KLHL8: variants seen among roughly 807,000 people sequenced by gnomAD.
KLHL8 encodes kelch like family member 8.
Under a neutral mutation model 63.5 loss-of-function variants are expected in KLHL8, and 38 were observed. That is an observed-to-expected ratio of 0.60 (90% CI 0.46 to 0.78). The LOEUF is 0.78. KLHL8 is among the 30% of genes least tolerant of loss of function. The pLI is 0.00. For missense variants in KLHL8, 566 were observed against 752.4 expected (o/e 0.75, Z 2.90); for synonymous variants, 224 against 254.3 (o/e 0.88, Z 1.13).
At chr4:87,201,584 T>C (rs1731921259) in intron 1 of KLHL8, among the ~76,000 whole-genome samples, 2 of 152,218 alleles carry the variant, frequency 1.3e-5, no homozygotes, top group South Asian at 2.1e-4. Flanking sequence ...AGAATATACA[T>C]TCTTTTCAAG....
intron 4 of KLHL8, among the ~76,000 whole-genome samples, chr4:87,181,285 A>AG (rs1731042688): frequency 9.9e-6 from 1 of 101,406 alleles, no homozygotes; most frequent in Non-Finnish European, 2.4e-5. Context: ...AAAAAAAAAG[A>AG]AAAAAAAAAA....
chr4:87,207,333 C>G (rs1732171239), intron 1 of KLHL8: 1 of 622,604 alleles, frequency 1.6e-6, no homozygotes, highest in African/African-American at 1.8e-5. Context: ...GAGATCCCTC[C>G]AAAATCAAAT....
At chr4:87,183,121 A>T in intron 4 of KLHL8, 82 bp downstream of exon 4, 1 of 942,020 alleles carries the variant, frequency 1.1e-6, no homozygotes, top group Non-Finnish European at 1.6e-6. Flanking sequence ...TAATTATATT[A>T]CAACTAAGTT....
intron 8 of KLHL8, among the ~76,000 whole-genome samples, chr4:87,164,849 T>C (rs1397830540): frequency 2.0e-5 from 3 of 152,080 alleles, no homozygotes; most frequent in Non-Finnish European, 2.9e-5. Context: ...GATCAATCTA[T>C]ATAAAAACAA....
In KLHL8 at chr4:87,183,378, T is replaced by C. The variant is rs769964736; in HGVS notation, c.777A>G (p.Pro259=). 1.9e-6 allele frequency: 3 copies of C among 1,606,106 alleles called. No homozygotes were observed. The highest frequency in any genetic ancestry group is 1.7e-4 in the Middle Eastern group (1 of 6,058). The change falls in exon 4 of 10, where the codon CCA becomes CCG. Residue 259 remains proline, a synonymous_variant. Transcript: ENST00000273963. ...LDETLAQVRL[P]LLPVDFLMGV... Reference sequence around the variant, plus strand: ...CCATAAGAAAATCAACCGGCAACAATGGCAGGCGAACCTAAGATCATGAAT... The same window carrying C: ...CCATAAGAAAATCAACCGGCAACAACGGCAGGCGAACCTAAGATCATGAAT...
chr4:87,213,025 G>A (rs1732468279), intron 1 of KLHL8, among the ~76,000 whole-genome samples: 1 of 152,144 alleles, frequency 6.6e-6, no homozygotes, highest in South Asian at 2.1e-4. Context: ...AAATACTAAT[G>A]TCATTTCTAG....
intron 1 of KLHL8, among the ~76,000 whole-genome samples, chr4:87,202,637 A>G (rs1400258858): frequency 6.6e-6 from 1 of 152,206 alleles, no homozygotes; most frequent in African/African-American, 2.4e-5. Flanking sequence ...AAACTCACCC[A>G]AAAGACAACC....
chr4:87,195,263 A>C, intron 2 of KLHL8, 61 bp downstream of exon 2: 1 of 1,363,858 alleles, frequency 7.3e-7, no homozygotes, highest in Non-Finnish European at 1.0e-6. Context: ...GGTTACAGAA[A>C]CCCCCATTTC....
chr4:87,161,890 CTT>C lies in KLHL8; in HGVS notation c.*1627_*1628del, dbSNP rs1730189625. ...GGATTTATATCTGCTTCATAAGAGA[CTT>C]TTATCTGCCAGCCTGACCCCTCTTA... On this transcript the variant is annotated 3_prime_UTR_variant, in exon 10 of 10. Coordinates refer to ENST00000273963, the MANE Select transcript of KLHL8 (RefSeq NM_020803.5). The C allele has an allele frequency of 6.6e-6, 1 of 152,146 alleles. No individual in the cohort carries two copies. Among genetic ancestry groups the C allele is most frequent in the South Asian group, 2.1e-4 (1 of 4,828 alleles). The allele number at this position is 152,146 out of a possible 1,614,324, so 9.4% of individuals were successfully genotyped here. A position where few individuals can be genotyped will look rare whatever the true frequency, so the allele number is the denominator to read the frequency against.
intron 2 of KLHL8, among the ~76,000 whole-genome samples, chr4:87,191,674 T>G (rs1451481414): frequency 6.6e-6 from 1 of 152,144 alleles, no homozygotes. Flanking sequence ...TGCTGAGGTT[T>G]GGTGTATAAA....
chr4:87,164,243 CA>C (rs1168688621), intron 8 of KLHL8, among the ~76,000 whole-genome samples, 164 bp from the exon 9 acceptor site: 6 of 152,202 alleles, frequency 3.9e-5, no homozygotes, highest in Non-Finnish European at 7.4e-5. Context: ...CCACCACCAA[CA>C]ACTACCATTA....
intron 1 of KLHL8, among the ~76,000 whole-genome samples, chr4:87,205,250 T>G (rs2110032228): frequency 6.6e-6 from 1 of 152,224 alleles, no homozygotes; most frequent in East Asian, 1.9e-4. Flanking sequence ...CTACAACAGA[T>G]TTTAAAGTTA....
chr4:87,195,494 T>A lies in KLHL8; in HGVS notation c.46A>T (p.Thr16Ser). 6.2e-7 allele frequency: 1 copy of A among 1,613,844 alleles called. No homozygotes were observed. Among genetic ancestry groups the A allele is most frequent in the African/African-American group, 1.3e-5 (1 of 75,054 alleles). The change falls in exon 2 of 10, where the codon ACA (threonine) becomes TCA (serine). Residue 16 changes from threonine to serine, a missense_variant. Physicochemically the swap from Thr to Ser is moderately conservative, Grantham distance 58. Coordinates refer to ENST00000273963, the MANE Select transcript of KLHL8 (RefSeq NM_020803.5). ...MSSKQARNHI[T>S]KGKRQQQHQQ... ...TGCTGTTGTTGCCTTTTCCCCTTTG[T>A]AATGTGATTCCTAGCTTGTTTACTA... is the stretch of plus-strand genomic sequence containing the variant.
intron 6 of KLHL8, among the ~76,000 whole-genome samples, chr4:87,174,079 C>T (rs971232213): frequency 7.2e-5 from 11 of 151,968 alleles, no homozygotes; most frequent in Non-Finnish European, 2.9e-5. Context: ...TTTAATTGCT[C>T]ATTTTGATAA....
chr4:87,163,204 C>A lies in KLHL8; in HGVS notation c.*315G>T. On this transcript the variant is annotated 3_prime_UTR_variant, in exon 10 of 10. Coordinates refer to ENST00000273963, the MANE Select transcript of KLHL8 (RefSeq NM_020803.5). Reference sequence around the variant, plus strand: ...TCAACAAATTACATTTTGATTCATCCAAATAGAGAGAGAGAGAGAGATTTC... The same window carrying A: ...TCAACAAATTACATTTTGATTCATCAAAATAGAGAGAGAGAGAGAGATTTC... 2 of 193,246 alleles carry A rather than the reference C, an allele frequency of 1.0e-5. No homozygotes were observed. Among genetic ancestry groups the A allele is most frequent in the Non-Finnish European group, 2.0e-5 (2 of 98,912 alleles). 12.0% of individuals were successfully genotyped at this position (193,246 alleles called of 1,614,324 possible).
rs528077986 is a variant in KLHL8, at chr4:87,172,687, T to C, written c.1209-2072A>G. On this transcript the variant is annotated intron_variant, in intron 6 of 9. Transcript: ENST00000273963. The stretch of plus-strand genomic sequence containing the variant: ...TGTTTTTGACCATACACCTCTGAAC[T>C]ATCTTTCAAATATGTCCTCTTTTCT... 4.0e-4 allele frequency among the ~76,000 whole-genome samples: 61 copies of C among 152,340 alleles called. No homozygotes were observed. The South Asian group carries it at 0.011, about 27-fold the overall frequency.
intron 1 of KLHL8, among the ~76,000 whole-genome samples, chr4:87,232,026 C>A (rs1302100507): frequency 2.6e-5 from 4 of 152,122 alleles, no homozygotes; most frequent in Non-Finnish European, 5.9e-5. Flanking sequence ...CTAATAATTT[C>A]TAATATTCAA....
intron 1 of KLHL8, among the ~76,000 whole-genome samples, chr4:87,214,457 T>TATATATATAA (rs1560716517): frequency 8.3e-6 from 1 of 121,200 alleles, no homozygotes; most frequent in Non-Finnish European, 1.7e-5. Context: ...TATATATATA[T>TATATATATAA]ATAATTGTCA....
intron 1 of KLHL8, among the ~76,000 whole-genome samples, chr4:87,200,009 C>A (rs1298160263): frequency 4.0e-5 from 6 of 150,028 alleles, no homozygotes; most frequent in African/African-American, 1.5e-4. Context: ...GACGTGGTAG[C>A]ATGTGCCTAT....
Sources: gnomAD v4.1 joint callset for allele counts (sites outside exome capture counted in the v4.1 genomes callset) on GRCh38, gnomAD v4.1.1 for gene constraint, MANE v1.5 for transcripts, NCBI Gene and HGNC (gene_info 2026-07-23, HGNC 2026-07-21) for gene names.